CDK14: variants seen among roughly 807,000 people sequenced by gnomAD.
CDK14 encodes cyclin dependent kinase 14.
In CDK14, 34 loss-of-function variants were observed where a neutral mutation model predicts 60.7. The ratio of observed to expected loss-of-function variants is 0.56; its 90% confidence interval spans 0.43 to 0.75. The LOEUF is 0.75. Ranked by LOEUF, CDK14 falls within the 30% of genes least tolerant of loss-of-function variation. The pLI, the probability that CDK14 is intolerant of heterozygous loss-of-function variation, is 0.00. For missense variants in CDK14, 482 were observed against 564.1 expected (o/e 0.85, Z 1.47); for synonymous variants, 197 against 203.7 (o/e 0.97, Z 0.28).
chr7:90,668,790 C>T (rs1484343805), intron 2 of CDK14, among the ~76,000 whole-genome samples: 1 of 144,720 alleles, frequency 6.9e-6, no homozygotes, highest in Admixed American at 7.2e-5. Context: ...CTTACTGCAG[C>T]CTTGGTCTTC....
chr7:91,185,477 T>C (rs1283588732), intron 14 of CDK14, among the ~76,000 whole-genome samples: 1 of 152,148 alleles, frequency 6.6e-6, no homozygotes, highest in Non-Finnish European at 1.5e-5. Flanking sequence ...ATAATCTCAC[T>C]TACCATATAG....
chr7:90,861,390 A>G (rs969965262), intron 5 of CDK14, among the ~76,000 whole-genome samples: 1 of 152,226 alleles, frequency 6.6e-6, no homozygotes, highest in Non-Finnish European at 1.5e-5. Context: ...CAAGCCTGTG[A>G]TAGCAAAGAG....
chr7:91,174,046 T>C (rs1349261966), intron 14 of CDK14, among the ~76,000 whole-genome samples: 2 of 152,126 alleles, frequency 1.3e-5, no homozygotes, highest in African/African-American at 4.8e-5. Context: ...TCCGCAGACT[T>C]AAATGTCCCT....
chr7:90,626,538 C>G (rs935718152), intron 2 of CDK14, among the ~76,000 whole-genome samples: 1 of 152,196 alleles, frequency 6.6e-6, no homozygotes, highest in African/African-American at 2.4e-5. Flanking sequence ...ATAATCTAAA[C>G]TGAAGATTGA....
chr7:90,717,693 T>C (rs1802296657), intron 2 of CDK14, among the ~76,000 whole-genome samples: 1 of 152,156 alleles, frequency 6.6e-6, no homozygotes, highest in Non-Finnish European at 1.5e-5. Flanking sequence ...GTACCTTGTT[T>C]TTAATGTAGT....
intron 8 of CDK14, among the ~76,000 whole-genome samples, chr7:90,919,770 A>G (rs1793192057): frequency 6.6e-6 from 1 of 152,230 alleles, no homozygotes; most frequent in Admixed American, 6.5e-5. Flanking sequence ...GTCTCTATTC[A>G]GTCTCTTATT....
At position 91,194,014 on chromosome 7, in the gene CDK14, C is replaced by T. The variant is rs373388662; in HGVS notation, c.*29-13151C>T. 6.8e-4 allele frequency among the ~76,000 whole-genome samples: 104 copies of T among 152,248 alleles called. 2 individuals carry two copies. The South Asian group carries it at 0.02, about 29-fold the overall frequency. On this transcript the variant is annotated intron_variant, in intron 14 of 14. Transcript: ENST00000380050. ...TGGTTCAGATATGTCTTATTTGAAT[C>T]GCCAATCTCTAGTATGGAGACAGTC...
At chr7:90,911,882 T>C (rs1050838167) in intron 7 of CDK14, among the ~76,000 whole-genome samples, 6 of 152,110 alleles carry the variant, frequency 3.9e-5, no homozygotes, top group African/African-American at 1.4e-4. Flanking sequence ...CAGAAGGGAA[T>C]AGAGGAAGTG....
chr7:90,963,849 G>A (rs762927725), intron 9 of CDK14, among the ~76,000 whole-genome samples: 6 of 151,052 alleles, frequency 4.0e-5, no homozygotes, highest in Non-Finnish European at 5.9e-5. Flanking sequence ...CTGACTAGCC[G>A]GGATTACAGG....
At chr7:90,919,003 A>G (rs1453565668) in intron 8 of CDK14, among the ~76,000 whole-genome samples, 1 of 152,210 alleles carries the variant, frequency 6.6e-6, no homozygotes. Context: ...AGATTTTAAC[A>G]TTGGAATTAC....
intron 2 of CDK14, among the ~76,000 whole-genome samples, chr7:90,686,814 AC>A (rs1471277017): frequency 6.6e-6 from 1 of 152,128 alleles, no homozygotes; most frequent in Non-Finnish European, 1.5e-5. Context: ...AATCAATGGA[AC>A]TTTTTTTTGT....
chr7:90,860,224 T>C (rs1206431785), intron 5 of CDK14, among the ~76,000 whole-genome samples: 2 of 152,102 alleles, frequency 1.3e-5, no homozygotes, highest in African/African-American at 4.8e-5. Flanking sequence ...GTACAATTTT[T>C]TTTTAACATT....
chr7:90,663,063 A>G (rs1460915899), intron 2 of CDK14, among the ~76,000 whole-genome samples: 2 of 151,636 alleles, frequency 1.3e-5, no homozygotes, highest in African/African-American at 2.4e-5. Flanking sequence ...GAATGTCTAC[A>G]CACACTTTGG....
At chr7:91,067,141 A>C (rs1584006200) in intron 11 of CDK14, among the ~76,000 whole-genome samples, 1 of 152,242 alleles carries the variant, frequency 6.6e-6, no homozygotes, top group African/African-American at 2.4e-5. Context: ...CTATTTTATT[A>C]AATATGCTTG....
intron 10 of CDK14, among the ~76,000 whole-genome samples, chr7:91,041,676 T>C (rs1264632868): frequency 1.3e-5 from 2 of 152,244 alleles, no homozygotes; most frequent in African/African-American, 2.4e-5. Flanking sequence ...AAAGTGCCGA[T>C]GTCAACTCCC....
intron 10 of CDK14, among the ~76,000 whole-genome samples, chr7:90,996,612 T>C (rs1795689708): frequency 6.6e-6 from 1 of 152,216 alleles, no homozygotes; most frequent in South Asian, 2.1e-4. Context: ...TCTATCTCAT[T>C]TGTCTCTTTT....
At chr7:90,735,924 T>G (rs150446297) in intron 3 of CDK14, among the ~76,000 whole-genome samples, 1 of 152,268 alleles carries the variant, frequency 6.6e-6, no homozygotes, top group African/African-American at 2.4e-5. Flanking sequence ...GGCTGCCCAG[T>G]TTTGTGCTTG....
chr7:90,684,634 C>A (rs1801391977), intron 2 of CDK14, among the ~76,000 whole-genome samples: 1 of 152,178 alleles, frequency 6.6e-6, no homozygotes, highest in Non-Finnish European at 1.5e-5. Context: ...TATAGGTAAA[C>A]AACTTCAACA....
At chr7:91,068,233 C>G (rs1341007916) in intron 11 of CDK14, among the ~76,000 whole-genome samples, 1 of 152,106 alleles carries the variant, frequency 6.6e-6, no homozygotes, top group Non-Finnish European at 1.5e-5. Context: ...TCCTTTGAAA[C>G]AAATAAATAC....
Sources: allele counts gnomAD v4.1 joint callset (sites outside exome capture counted in the v4.1 genomes callset), GRCh38; gene constraint gnomAD v4.1.1; transcripts MANE v1.5; gene names NCBI Gene and HGNC (gene_info 2026-07-23, HGNC 2026-07-21).